INPP4B: variants seen among roughly 807,000 people sequenced by gnomAD.
INPP4B encodes the protein inositol polyphosphate-4-phosphatase type II B.
In INPP4B, 55 loss-of-function variants were observed where a neutral mutation model predicts 122.5. The observed-to-expected ratio is 0.45, with a 90% CI of 0.36 to 0.56. INPP4B has a LOEUF of 0.56. INPP4B is among the 20% of genes least tolerant of loss of function. The probability of loss-of-function intolerance (pLI) is 0.00; values close to 1 mark genes in which losing one functional copy is unlikely to be tolerated. For missense variants in INPP4B, 1,000 were observed against 1,097.7 expected (o/e 0.91, Z 1.26); for synonymous variants, 403 against 388.7 (o/e 1.04, Z -0.43).
chr4:142,382,644 AT>A (rs1794610854), intron 7 of INPP4B, among the ~76,000 whole-genome samples: 7 of 145,484 alleles, frequency 4.8e-5, no homozygotes, highest in African/African-American at 1.8e-4. Context: ...ATACATTTAT[AT>A]ATTATATATA....
At chr4:142,391,921 T>C (rs72724556) in intron 7 of INPP4B, among the ~76,000 whole-genome samples, 2,717 of 152,310 alleles carry the variant, frequency 0.018, 40 homozygotes, top group Middle Eastern at 0.061. Context: ...TCTGATTGTA[T>C]AAAAGCTTTC....
rs1209360294 is a variant in INPP4B at position 142,023,602 on chromosome 4, A to G, written c.*5180T>C. On this transcript the variant is annotated 3_prime_UTR_variant, in exon 26 of 26. Coordinates refer to ENST00000262992, the MANE Select transcript of INPP4B (RefSeq NM_001101669.3). ...ATCTAGATAATATAGCAATATTGCC[A>G]AAATTTGAGTCAATGTTACCTGTGA... 2.6e-5 allele frequency: 4 copies of G among 152,190 alleles called. No homozygotes were observed. The highest frequency in any genetic ancestry group is 2.6e-4 in the Admixed American group (4 of 15,274). The allele number at this position is 152,190 out of a possible 1,614,324, so 9.4% of individuals were successfully genotyped here.
intron 15 of INPP4B, among the ~76,000 whole-genome samples, chr4:142,177,455 A>G (rs893226919): frequency 6.6e-6 from 1 of 152,144 alleles, no homozygotes; most frequent in African/African-American, 2.4e-5. Context: ...ATGAAATTTA[A>G]ACTGGATCCA....
At chr4:142,552,681 A>T (rs988620899) in intron 2 of INPP4B, among the ~76,000 whole-genome samples, 4 of 152,214 alleles carry the variant, frequency 2.6e-5, no homozygotes, top group African/African-American at 9.6e-5. Context: ...AACAATTGCT[A>T]CCATTTAATA....
intron 2 of INPP4B, among the ~76,000 whole-genome samples, chr4:142,643,677 C>A (rs184729339): frequency 6.6e-6 from 1 of 152,276 alleles, no homozygotes; most frequent in Admixed American, 6.5e-5. Flanking sequence ...ATATAACCAG[C>A]TCAGCCATAT....
intron 7 of INPP4B, among the ~76,000 whole-genome samples, chr4:142,379,558 TC>T (rs1386526460): frequency 6.6e-6 from 1 of 152,186 alleles, no homozygotes; most frequent in African/African-American, 2.4e-5. Context: ...CAATTATCAT[TC>T]CATTCACATG....
At chr4:142,211,154 C>A (rs1389957318) in intron 12 of INPP4B, among the ~76,000 whole-genome samples, 1 of 151,948 alleles carries the variant, frequency 6.6e-6, no homozygotes, top group Non-Finnish European at 1.5e-5. Flanking sequence ...TATAGGGGAA[C>A]TATATGATAA....
At chr4:142,436,284 G>A (rs981854862) in intron 3 of INPP4B, among the ~76,000 whole-genome samples, 18 of 152,296 alleles carry the variant, frequency 1.2e-4, no homozygotes, top group African/African-American at 3.8e-4. Flanking sequence ...AGAGAAAGGC[G>A]TGGCAATAGT....
chr4:142,300,700 C>T (rs969579001), intron 9 of INPP4B, among the ~76,000 whole-genome samples: 5 of 151,946 alleles, frequency 3.3e-5, no homozygotes, highest in Non-Finnish European at 5.9e-5. Context: ...ATTTAAAAAA[C>T]AGTATAAGTT....
At position 142,154,144 on chromosome 4, in the gene INPP4B, TGA is replaced by T. The variant is rs545041404; in HGVS notation, c.1563+6212_1563+6213del. On this transcript the variant is annotated intron_variant, in intron 17 of 25. Transcript: ENST00000262992. Reference sequence around the variant, plus strand: ...TTTCTGATGGTGAGAGTGAATGCTTTGAGTGTTCCCTCCTCCTTTTAAGATTA... The same window carrying T: ...TTTCTGATGGTGAGAGTGAATGCTTTGTGTTCCCTCCTCCTTTTAAGATTA... 7.9e-5 allele frequency among the ~76,000 whole-genome samples: 12 copies of T among 152,184 alleles called. No homozygotes were observed. In the South Asian group the frequency reaches 2.1e-3, roughly 26 times the overall value.
chr4:142,313,433 T>A (rs1323888434), intron 8 of INPP4B, among the ~76,000 whole-genome samples: 2 of 152,098 alleles, frequency 1.3e-5, no homozygotes, highest in Admixed American at 1.3e-4. Flanking sequence ...AGGGGTGTGA[T>A]GAGAGTATGC....
At chr4:142,624,116 T>C (rs1745677396) in intron 2 of INPP4B, among the ~76,000 whole-genome samples, 2 of 150,474 alleles carry the variant, frequency 1.3e-5, no homozygotes, top group Non-Finnish European at 3.0e-5. Context: ...ATGGTATTTC[T>C]AGTTCTAGAT....
chr4:142,424,539 G>T (rs144685383), intron 5 of INPP4B, among the ~76,000 whole-genome samples: 1 of 151,886 alleles, frequency 6.6e-6, no homozygotes, highest in Admixed American at 6.6e-5. Context: ...ACACAGACAC[G>T]GATAGTTAAA....
intron 15 of INPP4B, among the ~76,000 whole-genome samples, chr4:142,179,572 A>AAAAAC (rs1202000665): frequency 6.6e-4 from 4 of 6,078 alleles, no homozygotes; most frequent in East Asian, 6.4e-3. Flanking sequence ...GAAAAAAAAA[A>AAAAAC]CATTCATTTT....
intron 15 of INPP4B, among the ~76,000 whole-genome samples, chr4:142,174,041 T>C (rs1414142476): frequency 6.6e-6 from 1 of 152,122 alleles, no homozygotes; most frequent in Admixed American, 6.6e-5. Context: ...TTAACACTAA[T>C]ACTTGACGTG....
At chr4:142,324,799 C>T (rs1771715717) in intron 7 of INPP4B, among the ~76,000 whole-genome samples, 1 of 152,122 alleles carries the variant, frequency 6.6e-6, no homozygotes, top group South Asian at 2.1e-4. Context: ...AAGCCTTTGA[C>T]CTGGTTCTCC....
chr4:142,524,353 C>T (rs28823740), intron 2 of INPP4B, among the ~76,000 whole-genome samples: 3,625 of 152,094 alleles, frequency 0.024, 141 homozygotes, highest in African/African-American at 0.082. Flanking sequence ...GCCATTCTAA[C>T]TGGTGTGAGA....
chr4:142,610,866 G>T (rs1742340577), intron 2 of INPP4B, among the ~76,000 whole-genome samples: 1 of 152,082 alleles, frequency 6.6e-6, no homozygotes, highest in African/African-American at 2.4e-5. Flanking sequence ...ATAAGATTCA[G>T]GTTCACCAAT....
At chr4:142,097,006 G>A (rs1265682812) in intron 23 of INPP4B, among the ~76,000 whole-genome samples, 4 of 151,844 alleles carry the variant, frequency 2.6e-5, no homozygotes, top group African/African-American at 9.7e-5. Context: ...TATGTCCTGG[G>A]GAACACTTAT....
Sources: gnomAD v4.1 joint callset for allele counts (sites outside exome capture counted in the v4.1 genomes callset) on GRCh38, gnomAD v4.1.1 for gene constraint, MANE v1.5 for transcripts, NCBI Gene and HGNC (gene_info 2026-07-23, HGNC 2026-07-21) for gene names.